BRINP3: variants seen among roughly 807,000 people sequenced by gnomAD.
BRINP3 encodes BMP/retinoic acid-inducible neural-specific protein 3.
BRINP3 carries 19 observed loss-of-function variants against 71.0 expected under a neutral mutation model. That is an observed-to-expected ratio of 0.27 (90% CI 0.19 to 0.39). BRINP3 has a LOEUF of 0.39. Ranked by LOEUF, BRINP3 falls within the 10% of genes least tolerant of loss-of-function variation. The pLI is 1.00. For missense variants in BRINP3, 959 were observed against 940.8 expected, an observed-to-expected ratio of 1.02 and a Z score of -0.25; for synonymous variants, 380 against 337.7, an observed-to-expected ratio of 1.13 and a Z score of -1.37.
At chr1:190,165,110 C>G (rs1396479465) in intron 6 of BRINP3, among the ~76,000 whole-genome samples, 3 of 151,592 alleles carry the variant, frequency 2.0e-5, no homozygotes, top group Non-Finnish European at 4.4e-5. Context: ...AAAGGATGAT[C>G]ACAGGGCACA....
chr1:190,240,626 T>C (rs1179884996), intron 4 of BRINP3, among the ~76,000 whole-genome samples: 1 of 151,894 alleles, frequency 6.6e-6, no homozygotes, highest in African/African-American at 2.4e-5. Flanking sequence ...TCCCAGCACT[T>C]TGGGAGGCCG....
At chr1:190,191,637 T>C (rs559531809) in intron 6 of BRINP3, among the ~76,000 whole-genome samples, 1 of 152,168 alleles carries the variant, frequency 6.6e-6, no homozygotes, top group Non-Finnish European at 1.5e-5. Flanking sequence ...TGCCACATTT[T>C]TTTTTATCCA....
chr1:190,275,718 C>T (rs1662497572), intron 3 of BRINP3, among the ~76,000 whole-genome samples: 1 of 151,608 alleles, frequency 6.6e-6, no homozygotes, highest in South Asian at 2.1e-4. Flanking sequence ...AATAAAATGT[C>T]CAATGTTCTA....
At chr1:190,221,149 C>A (rs774617277) in intron 6 of BRINP3, among the ~76,000 whole-genome samples, 9 of 152,048 alleles carry the variant, frequency 5.9e-5, no homozygotes, top group Non-Finnish European at 1.5e-5. Context: ...ACCCGGGAGG[C>A]AGAGGTTGCA....
intron 4 of BRINP3, among the ~76,000 whole-genome samples, chr1:190,248,559 T>C (rs919924723): frequency 2.0e-5 from 3 of 151,750 alleles, no homozygotes; most frequent in African/African-American, 7.2e-5. Flanking sequence ...TATTCTCCCC[T>C]CCTTTCAAAA....
At chr1:190,201,753 TAATC>T (rs1206496135) in intron 6 of BRINP3, among the ~76,000 whole-genome samples, 4 of 151,952 alleles carry the variant, frequency 2.6e-5, no homozygotes, top group African/African-American at 9.7e-5. Context: ...GTGCAAGCCT[TAATC>T]AAGCCTTGCC....
At chr1:190,355,079 T>C (rs933084345) in intron 2 of BRINP3, among the ~76,000 whole-genome samples, 1 of 151,866 alleles carries the variant, frequency 6.6e-6, no homozygotes, top group Non-Finnish European at 1.5e-5. Context: ...CCTTAAATCA[T>C]ATATGAGTAT....
intron 1 of BRINP3, among the ~76,000 whole-genome samples, 193 bp downstream of exon 1, chr1:190,477,255 G>A (rs1677559144): frequency 6.6e-6 from 1 of 152,088 alleles, no homozygotes; most frequent in African/African-American, 2.4e-5. Context: ...ATGGGATATT[G>A]GGGTAATACA....
At chr1:190,270,330 T>C (rs541051339) in intron 3 of BRINP3, among the ~76,000 whole-genome samples, 2 of 151,256 alleles carry the variant, frequency 1.3e-5, no homozygotes, top group South Asian at 2.1e-4. Context: ...ATTTTTAAAA[T>C]TATTTATTAT....
intron 2 of BRINP3, among the ~76,000 whole-genome samples, chr1:190,293,713 C>G (rs1159751388): frequency 6.6e-6 from 1 of 152,168 alleles, no homozygotes; most frequent in Non-Finnish European, 1.5e-5. Flanking sequence ...TATTAGTACA[C>G]AAACATTTAC....
intron 6 of BRINP3, among the ~76,000 whole-genome samples, chr1:190,183,194 A>C (rs1042179568): frequency 6.6e-6 from 1 of 152,082 alleles, no homozygotes; most frequent in Admixed American, 6.6e-5. Context: ...TCTGTCAGAT[A>C]ATTCTAGCAA....
At chr1:190,296,803 G>A (rs939967025) in intron 2 of BRINP3, among the ~76,000 whole-genome samples, 57 of 151,828 alleles carry the variant, frequency 3.8e-4, no homozygotes, top group African/African-American at 1.3e-3. Context: ...CCCCATTTGC[G>A]ATAGCATAAA....
chr1:190,150,514 G>A (rs574307839), intron 7 of BRINP3, among the ~76,000 whole-genome samples: 13 of 152,252 alleles, frequency 8.5e-5, no homozygotes, highest in Admixed American at 2.6e-4. Flanking sequence ...GAGCAAGTTT[G>A]ATTCAGAAAT....
chr1:190,237,904 C>G (rs529367223), intron 4 of BRINP3, among the ~76,000 whole-genome samples: 1 of 151,976 alleles, frequency 6.6e-6, no homozygotes, highest in Non-Finnish European at 1.5e-5. Flanking sequence ...AATCAATTTT[C>G]TCTTCTAGAG....
At chr1:190,301,746 A>G (rs185371052) in intron 2 of BRINP3, among the ~76,000 whole-genome samples, 12 of 152,136 alleles carry the variant, frequency 7.9e-5, no homozygotes, top group Admixed American at 5.2e-4. Flanking sequence ...TTCTAAGACT[A>G]CAGAGAAAGA....
At chr1:190,382,420 G>A (rs1670604436) in intron 2 of BRINP3, among the ~76,000 whole-genome samples, 1 of 152,042 alleles carries the variant, frequency 6.6e-6, no homozygotes, top group Non-Finnish European at 1.5e-5. Flanking sequence ...CTCATTTAAT[G>A]AGTCTTAGCA....
chr1:190,468,767 T>A (rs147373532), intron 1 of BRINP3, among the ~76,000 whole-genome samples: 1 of 151,120 alleles, frequency 6.6e-6, no homozygotes, highest in African/African-American at 2.4e-5. Flanking sequence ...CCATAAAGTG[T>A]CTCCACTCAA....
intron 7 of BRINP3, among the ~76,000 whole-genome samples, chr1:190,146,379 G>A (rs1003990053): frequency 1.3e-5 from 2 of 152,084 alleles, no homozygotes; most frequent in African/African-American, 4.8e-5. Context: ...CCACTTGAAT[G>A]TTACACTCAT....
chr1:190,334,459 A>G (rs1667160065), intron 2 of BRINP3, among the ~76,000 whole-genome samples: 1 of 151,764 alleles, frequency 6.6e-6, no homozygotes, highest in Non-Finnish European at 1.5e-5. Context: ...TATAATTTTC[A>G]GGTTTTGTTG....
Sources: allele counts gnomAD v4.1 joint callset (sites outside exome capture counted in the v4.1 genomes callset), GRCh38; gene constraint gnomAD v4.1.1; transcripts MANE v1.5; gene names NCBI Gene and HGNC (gene_info 2026-07-23, HGNC 2026-07-21).